Variants in AK7 observed in about 807,000 individuals in gnomAD.
The protein encoded by AK7 is adenylate kinase 7.
A neutral mutation model predicts 96.6 loss-of-function variants in AK7; 78 were observed. The ratio of observed to expected loss-of-function variants is 0.81; its 90% confidence interval spans 0.67 to 0.97. AK7 has a LOEUF of 0.97. AK7 is among the 50% of genes least tolerant of loss of function. The pLI, the probability that AK7 is intolerant of heterozygous loss-of-function variation, is 0.00. For missense variants in AK7, 855 were observed against 887.9 expected (o/e 0.96, Z 0.47); for synonymous variants, 302 against 317.2 (o/e 0.95, Z 0.51).
chr14:96,405,115 G>A (rs768773133), intron 3 of AK7: 22 of 209,098 alleles, frequency 1.1e-4, no homozygotes, highest in Non-Finnish European at 2.0e-4. Context: ...GGAGGCCGAG[G>A]TGGGAGGATT....
intron 4 of AK7, among the ~76,000 whole-genome samples, chr14:96,416,442 G>T (rs1223558396): frequency 6.6e-6 from 1 of 151,878 alleles, no homozygotes; most frequent in East Asian, 1.9e-4. Context: ...AAACAGATTT[G>T]CCCATTGGCC....
chr14:96,473,123 GT>G (rs2140159000), intron 14 of AK7, among the ~76,000 whole-genome samples: 1 of 151,256 alleles, frequency 6.6e-6, no homozygotes, highest in South Asian at 2.1e-4. Flanking sequence ...TTTTCTCTTT[GT>G]TTTCCCCGGT....
In AK7 at chr14:96,488,445, T is replaced by C; in HGVS notation, c.*102T>C. On this transcript the variant is annotated 3_prime_UTR_variant, in exon 18 of 18. Transcript: ENST00000267584. ...AATGCTTTTCCAGTTCTTAGAAAAT[T>C]CTTTTTTTGTAGACAAATATTCTAT... The C allele has an allele frequency of 4.7e-6, 5 of 1,066,482 alleles. No homozygotes were observed. The South Asian group carries it at 8.3e-5, about 18-fold the overall frequency. The allele number at this position is 1,066,482 out of a possible 1,614,324, so 66.1% of individuals were successfully genotyped here. A position where few individuals can be genotyped will look rare whatever the true frequency, so the allele number is the denominator to read the frequency against.
intron 8 of AK7, 132 bp from the exon 9 acceptor site, chr14:96,449,670 G>A (rs1045023534): frequency 1.0e-4 from 64 of 614,024 alleles, no homozygotes; most frequent in Admixed American, 2.3e-4. Context: ...CTGATTACGG[G>A]TGATCCGCCC....
chr14:96,487,208 T>C lies in AK7; in HGVS notation c.2133+152T>C. The C allele has an allele frequency of 7.6e-6, 5 of 658,558 alleles. No homozygotes were observed. The South Asian group carries it at 1.1e-4, about 14-fold the overall frequency. 40.8% of individuals were successfully genotyped at this position (658,558 alleles called of 1,614,324 possible). A position where few individuals can be genotyped will look rare whatever the true frequency, so the allele number is the denominator to read the frequency against. On this transcript the variant is annotated intron_variant, in intron 17 of 17. Coordinates refer to ENST00000267584, the MANE Select transcript of AK7 (RefSeq NM_152327.5). ...TGCCAACATAGTGAAACCCCGTCTC[T>C]ACTAAAAATACAAAAAAAAAAAAAA...
rs1895798378 is a variant in AK7 at position 96,486,925 on chromosome 14, GAAGA to G, written c.2007_2010del (p.Arg670AsnfsTer10). ...TAAACGACTGGAGGAAGTGAAAAGA[GAAGA>G]AAGAGAATTACTGGAGGCTCAGTCA... On this transcript the variant is annotated frameshift_variant, in exon 17 of 18. Coordinates refer to ENST00000267584, the MANE Select transcript of AK7 (RefSeq NM_152327.5). LOFTEE classifies it high-confidence loss of function. 6.2e-7 allele frequency: 1 copy of G among 1,613,850 alleles called. No homozygotes were observed. The highest frequency in any genetic ancestry group is 1.1e-5 in the South Asian group (1 of 91,084).
chr14:96,458,287 C>T (rs1034630397), intron 12 of AK7, 75 bp downstream of exon 12: 29 of 1,539,120 alleles, frequency 1.9e-5, no homozygotes, highest in Non-Finnish European at 2.5e-5. Flanking sequence ...TTATAAAAGA[C>T]TGTTTAAAAA....
intron 5 of AK7, among the ~76,000 whole-genome samples, chr14:96,434,702 G>A (rs1034061860): frequency 2.6e-5 from 4 of 152,192 alleles, no homozygotes; most frequent in Non-Finnish European, 4.4e-5. Flanking sequence ...CAGGCTCCAG[G>A]TGGGTCCAGA....
intron 12 of AK7, 133 bp downstream of exon 12, chr14:96,458,345 C>T (rs1894056013): frequency 8.2e-7 from 1 of 1,220,192 alleles, no homozygotes; most frequent in Non-Finnish European, 1.1e-6. Flanking sequence ...CCTGTAATCC[C>T]AGCACTTTGG....
chr14:96,408,293 G>A (rs1308788865), intron 3 of AK7, among the ~76,000 whole-genome samples: 1 of 152,194 alleles, frequency 6.6e-6, no homozygotes, highest in Non-Finnish European at 1.5e-5. Context: ...GTGGCATGGT[G>A]GGTACAGCAT....
intron 14 of AK7, among the ~76,000 whole-genome samples, chr14:96,475,797 C>A (rs1566810117): frequency 6.6e-6 from 1 of 151,792 alleles, no homozygotes; most frequent in Admixed American, 6.6e-5. Context: ...TATAGCAAGA[C>A]CCCCATCTCC....
At chr14:96,407,645 A>G (rs970202605) in intron 3 of AK7, among the ~76,000 whole-genome samples, 5 of 145,256 alleles carry the variant, frequency 3.4e-5, no homozygotes, top group Admixed American at 7.1e-5. Context: ...GCAGTGGCGC[A>G]ATCTCGGCTC....
At chr14:96,470,457 A>G (rs1448740881) in intron 12 of AK7, among the ~76,000 whole-genome samples, 3 of 152,184 alleles carry the variant, frequency 2.0e-5, no homozygotes, top group Admixed American at 2.0e-4. Context: ...TAGCTGTTCA[A>G]TAATTATGAT....
At chr14:96,423,964 T>G (rs1891865686) in intron 5 of AK7, 20 of 985,066 alleles carry the variant, frequency 2.0e-5, no homozygotes, top group Non-Finnish European at 3.1e-5. Flanking sequence ...CAGGAAATGA[T>G]GCCATTCCCT....
chr14:96,473,365 G>A (rs1196069103), intron 14 of AK7, among the ~76,000 whole-genome samples: 1 of 151,308 alleles, frequency 6.6e-6, no homozygotes, highest in South Asian at 2.1e-4. Context: ...TAGAGACGGG[G>A]TTTCACCATG....
rs1895935786 is a variant in AK7, at chr14:96,489,172, G to A, written c.*829G>A. 6.6e-6 allele frequency: 1 copy of A among 152,014 alleles called. No individual in the cohort carries two copies. The highest frequency in any genetic ancestry group is 1.5e-5 in the Non-Finnish European group (1 of 68,010). 9.4% of individuals were successfully genotyped at this position (152,014 alleles called of 1,614,324 possible). A position where few individuals can be genotyped will look rare whatever the true frequency, so the allele number is the denominator to read the frequency against. On this transcript the variant is annotated 3_prime_UTR_variant, in exon 18 of 18. Transcript: ENST00000267584. ...TATAACTGCCCGACTTTTTATTTGT[G>A]CTAAAATACATGTAACATAAAATTG...
chr14:96,425,565 C>T (rs1026998546), intron 5 of AK7, among the ~76,000 whole-genome samples: 2 of 145,888 alleles, frequency 1.4e-5, no homozygotes, highest in African/African-American at 2.6e-5. Flanking sequence ...TCACTGCAAC[C>T]CCTGCCTCCC....
chr14:96,427,629 C>A (rs1892104682), intron 5 of AK7, among the ~76,000 whole-genome samples: 1 of 152,186 alleles, frequency 6.6e-6, no homozygotes, highest in Non-Finnish European at 1.5e-5. Context: ...TGTTCTGTAA[C>A]CTTCTTGTAC....
In AK7 at chr14:96,486,757, T is replaced by C. The variant is rs1895790269; in HGVS notation, c.1975-141T>C. On this transcript the variant is annotated intron_variant, in intron 16 of 17. Coordinates refer to ENST00000267584, the MANE Select transcript of AK7 (RefSeq NM_152327.5). ...TTGTTGTAACACCATTTATGTCTTT[T>C]CTCTGCTGATTGGAAATGCCATCTG... 3.5e-5 allele frequency: 24 copies of C among 687,168 alleles called. No individual in the cohort carries two copies. The East Asian group carries it at 6.7e-4, about 19-fold the overall frequency. 42.6% of individuals were successfully genotyped at this position (687,168 alleles called of 1,614,324 possible).
Sources: allele counts gnomAD v4.1 joint callset (sites outside exome capture counted in the v4.1 genomes callset), GRCh38; gene constraint gnomAD v4.1.1; transcripts MANE v1.5; gene names NCBI Gene and HGNC (gene_info 2026-07-23, HGNC 2026-07-21).